Variants in TMEM135 observed in about 807,000 individuals in gnomAD.
TMEM135 encodes the protein transmembrane protein 135.
Under a neutral mutation model 60.3 loss-of-function variants are expected in TMEM135, and 30 were observed. The observed-to-expected ratio is 0.50, with a 90% confidence interval of 0.37 to 0.68. The LOEUF is 0.68. TMEM135 is among the 30% of genes least tolerant of loss of function. The probability of loss-of-function intolerance (pLI) is 0.00; values close to 1 mark genes in which losing one functional copy is unlikely to be tolerated. For synonymous variants in TMEM135, 190 were observed against 186.7 expected, an observed-to-expected ratio of 1.02 and a Z score of -0.14; for missense variants, 468 against 548.8, an observed-to-expected ratio of 0.85 and a Z score of 1.47.
chr11:87,120,365 C>G (rs1023044471), intron 4 of TMEM135, among the ~76,000 whole-genome samples: 1 of 151,208 alleles, frequency 6.6e-6, no homozygotes, highest in African/African-American at 2.4e-5. Context: ...TTTGGCCTCT[C>G]AAAACTCTGG....
chr11:87,203,032 CAAAAAAAAAAAA>C (rs534909524), intron 5 of TMEM135, among the ~76,000 whole-genome samples: 2 of 33,568 alleles, frequency 6.0e-5, no homozygotes, highest in African/African-American at 8.8e-5. Flanking sequence ...GACTCCGTCT[CAAAAAAAAAAAA>C]AAAAAAAAAA....
chr11:87,144,511 T>G (rs1938353053), intron 4 of TMEM135, among the ~76,000 whole-genome samples: 1 of 152,252 alleles, frequency 6.6e-6, no homozygotes, highest in South Asian at 2.1e-4. Flanking sequence ...GTTGCTTTTT[T>G]GAGGAAAGAA....
Position 87,064,951 on chromosome 11 carries a change from CTTT to C in TMEM135, c.142-2734_142-2732del, listed in dbSNP as rs112869970. On this transcript the variant is annotated intron_variant, in intron 1 of 14. Coordinates refer to ENST00000305494, the MANE Select transcript of TMEM135 (RefSeq NM_022918.4). ...ATACAGTATGTAGCTTTAGGATTAGCTTTTTTTTTTTCCCCCCACTCAGTATAA... is the reference window on the plus strand; with the variant it reads ...ATACAGTATGTAGCTTTAGGATTAGCTTTTTTTTCCCCCCACTCAGTATAA... 8.8e-4 allele frequency among the ~76,000 whole-genome samples: 131 copies of C among 149,670 alleles called. 1 individual carries two copies. The highest frequency in any genetic ancestry group is 6.9e-3 in the Middle Eastern group (2 of 288).
At chr11:87,134,672 G>T (rs865775630) in intron 4 of TMEM135, among the ~76,000 whole-genome samples, 2 of 152,114 alleles carry the variant, frequency 1.3e-5, no homozygotes, top group South Asian at 2.1e-4. Flanking sequence ...TTTTGTAGAG[G>T]TGGGGTTCTC....
intron 6 of TMEM135, among the ~76,000 whole-genome samples, chr11:87,272,131 G>A (rs976226074): frequency 1.4e-5 from 2 of 141,696 alleles, no homozygotes; most frequent in Admixed American, 7.5e-5. Context: ...TCTGCTCACT[G>A]CAACCTCCCC....
chr11:87,246,763 T>G (rs1243583328), intron 6 of TMEM135, among the ~76,000 whole-genome samples: 2 of 125,276 alleles, frequency 1.6e-5, no homozygotes, highest in Non-Finnish European at 3.5e-5. Flanking sequence ...CTAAATTTTT[T>G]TCAAAGTTTT....
chr11:87,274,547 C>T (rs1017317352), intron 6 of TMEM135, among the ~76,000 whole-genome samples: 15 of 152,214 alleles, frequency 9.9e-5, no homozygotes, highest in Admixed American at 3.9e-4. Context: ...AGGAGTCTTA[C>T]GGCAAAAATT....
rs560208768 is a variant in TMEM135 at position 87,286,434 on chromosome 11, G to A, written c.510-9348G>A. ...ATAAAAGTTCTCCAAGTCCCCACCC[G>A]ACTCAGGAGCCCAGCTGGCTTCGCC... On this transcript the variant is annotated intron_variant, in intron 6 of 14. Coordinates refer to ENST00000305494, the MANE Select transcript of TMEM135 (RefSeq NM_022918.4). Among the ~76,000 whole-genome samples the A allele has an allele frequency of 1.5e-3, 235 of 152,314 alleles. 1 individual carries two copies. Among genetic ancestry groups the A allele is most frequent in the African/African-American group, 5.0e-3 (206 of 41,564 alleles).
chr11:87,176,167 A>T (rs1324002678), intron 5 of TMEM135, among the ~76,000 whole-genome samples: 3 of 152,120 alleles, frequency 2.0e-5, no homozygotes, highest in Admixed American at 6.6e-5. Flanking sequence ...ATGGGGGCAG[A>T]TTCCTTATCA....
At chr11:87,232,243 G>A (rs1266767171) in intron 5 of TMEM135, among the ~76,000 whole-genome samples, 2 of 151,784 alleles carry the variant, frequency 1.3e-5, no homozygotes, top group African/African-American at 2.4e-5. Flanking sequence ...GAGCCATCGC[G>A]CCTGGCCAAG....
At chr11:87,056,293 CT>C (rs1348145603) in intron 1 of TMEM135, among the ~76,000 whole-genome samples, 7 of 152,170 alleles carry the variant, frequency 4.6e-5, no homozygotes, top group African/African-American at 1.7e-4. Context: ...CCCAGCAGGT[CT>C]CAGCCTCATT....
In TMEM135 at chr11:87,079,257, C is replaced by T. The variant is rs142186978; in HGVS notation, c.362+7642C>T. ...CCGACCTCAGGTGATCCACCTGCCTCGGCCCCGCAAAGTGCTGGAATTACA... is the reference window on the plus strand; with the variant it reads ...CCGACCTCAGGTGATCCACCTGCCTTGGCCCCGCAAAGTGCTGGAATTACA... On this transcript the variant is annotated intron_variant, in intron 3 of 14. Coordinates refer to ENST00000305494, the MANE Select transcript of TMEM135 (RefSeq NM_022918.4). 3.0e-4 allele frequency among the ~76,000 whole-genome samples: 46 copies of T among 152,292 alleles called. No individual in the cohort carries two copies. The East Asian group carries it at 4.3e-3, about 14-fold the overall frequency.
chr11:87,081,524 A>T (rs563656416), intron 3 of TMEM135, among the ~76,000 whole-genome samples: 1 of 152,306 alleles, frequency 6.6e-6, no homozygotes, highest in East Asian at 1.9e-4. Context: ...GAACGCTAAC[A>T]TTAGTTCAAA....
chr11:87,199,109 C>T (rs1355794863), intron 5 of TMEM135, among the ~76,000 whole-genome samples: 1 of 152,218 alleles, frequency 6.6e-6, no homozygotes, highest in Non-Finnish European at 1.5e-5. Context: ...CATCTGTAAT[C>T]TCAGCACTTC....
At chr11:87,295,179 A>G (rs1279647740) in intron 6 of TMEM135, among the ~76,000 whole-genome samples, 2 of 152,198 alleles carry the variant, frequency 1.3e-5, no homozygotes, top group Non-Finnish European at 2.9e-5. Context: ...GCCCAGCTAT[A>G]GTGAGCACTC....
intron 4 of TMEM135, among the ~76,000 whole-genome samples, chr11:87,125,741 A>G (rs1006127267): frequency 6.6e-6 from 1 of 152,176 alleles, no homozygotes; most frequent in Non-Finnish European, 1.5e-5. Flanking sequence ...CTGATTTGGG[A>G]AGAAGTAATT....
chr11:87,092,554 T>C (rs1857232381), intron 4 of TMEM135, among the ~76,000 whole-genome samples: 1 of 152,208 alleles, frequency 6.6e-6, no homozygotes, highest in South Asian at 2.1e-4. Context: ...TTAGGAGTTC[T>C]AAGGACTTTT....
In TMEM135 at chr11:87,103,816, G is replaced by A. The variant is rs1052732486; in HGVS notation, c.396+12421G>A. 4.6e-5 allele frequency among the ~76,000 whole-genome samples: 7 copies of A among 151,838 alleles called. 1 individual carries two copies. The highest frequency in any genetic ancestry group is 1.0e-4 in the Non-Finnish European group (7 of 67,948). On this transcript the variant is annotated intron_variant, in intron 4 of 14. Coordinates refer to ENST00000305494, the MANE Select transcript of TMEM135 (RefSeq NM_022918.4). ...GACTACAGCGCATGTCACTATGCCC[G>A]GCTAGTTTTTGTACTTTTTGTAGAG...
intron 5 of TMEM135, among the ~76,000 whole-genome samples, chr11:87,163,008 A>G (rs1415207995): frequency 6.8e-6 from 1 of 146,858 alleles, no homozygotes; most frequent in Admixed American, 7.1e-5. Context: ...CTGGCCTTAT[A>G]AATGTCTTCT....
Sources: allele counts gnomAD v4.1 joint callset (sites outside exome capture counted in the v4.1 genomes callset), GRCh38; gene constraint gnomAD v4.1.1; transcripts MANE v1.5; gene names NCBI Gene and HGNC (gene_info 2026-07-23, HGNC 2026-07-21).